The following COL26A1 variants were observed in gnomAD, a reference collection of about 807,000 sequenced individuals.
The protein encoded by COL26A1 is collagen type XXVI alpha 1 chain, also known as collagen alpha-1(XXVI) chain.
A neutral mutation model predicts 59.3 loss-of-function variants in COL26A1; 41 were observed. The ratio of observed to expected loss-of-function variants is 0.69; its 90% CI spans 0.54 to 0.90. The LOEUF (loss-of-function observed/expected upper bound fraction) is 0.90, where lower values mean the gene tolerates loss of function less well. Among genes scored for constraint, COL26A1 ranks in the 40% least tolerant of loss-of-function variants. COL26A1 has a pLI of 0.00. For synonymous variants in COL26A1, 266 were observed against 256.0 expected, an observed-to-expected ratio of 1.04 and a Z score of -0.37; for missense variants, 612 against 602.3, an observed-to-expected ratio of 1.02 and a Z score of -0.17.
chr7:101,391,858 C>T (rs1053680990), intron 1 of COL26A1, among the ~76,000 whole-genome samples: 3 of 51,830 alleles, frequency 5.8e-5, no homozygotes, highest in African/African-American at 1.5e-4. Flanking sequence ...CCAAGCCTTT[C>T]TTTTCTTTTC....
At chr7:101,552,916 A>G (rs1795890102) in intron 10 of COL26A1, among the ~76,000 whole-genome samples, 2 of 152,174 alleles carry the variant, frequency 1.3e-5, no homozygotes. Flanking sequence ...TCAAATAAAT[A>G]AATAAATAAA....
intron 2 of COL26A1, among the ~76,000 whole-genome samples, chr7:101,422,404 T>C (rs986156084): frequency 6.0e-5 from 9 of 150,738 alleles, no homozygotes; most frequent in African/African-American, 2.2e-4. Context: ...AGCTTTTTCC[T>C]TTTCAGCAGA....
At chr7:101,470,317 C>T (rs987573987) in intron 3 of COL26A1, among the ~76,000 whole-genome samples, 2 of 151,964 alleles carry the variant, frequency 1.3e-5, no homozygotes, top group African/African-American at 2.4e-5. Flanking sequence ...TGGTCTTGAA[C>T]TCCTGACCTC....
chr7:101,556,111 C>T (rs1016142492), intron 12 of COL26A1, among the ~76,000 whole-genome samples: 3 of 152,218 alleles, frequency 2.0e-5, no homozygotes, highest in Admixed American at 1.3e-4. Flanking sequence ...GAGCCCTGCC[C>T]AGCCATGTTG....
intron 3 of COL26A1, among the ~76,000 whole-genome samples, chr7:101,452,035 A>G (rs1294080352): frequency 6.6e-6 from 1 of 152,060 alleles, no homozygotes; most frequent in Non-Finnish European, 1.5e-5. Context: ...CCAGTTTTGT[A>G]TGAGTTAACA....
chr7:101,528,871 T>C (rs1795307237), intron 3 of COL26A1, among the ~76,000 whole-genome samples: 1 of 152,104 alleles, frequency 6.6e-6, no homozygotes, highest in Admixed American at 6.6e-5. Flanking sequence ...TTAAATATGT[T>C]ATTTTATTTT....
Position 101,474,249 on chromosome 7 carries a change from T to G in COL26A1, c.385+26462T>G, listed in dbSNP as rs574627065. ...TTGATCCTACACCAGAAACCGGGCT[T>G]GCTTTTCCTGGCACCATCCTCTCTG... On this transcript the variant is annotated intron_variant, in intron 3 of 12. Transcript: ENST00000313669. 2.0e-5 allele frequency among the ~76,000 whole-genome samples: 3 copies of G among 152,172 alleles called. No homozygotes were observed. The South Asian group carries it at 6.2e-4, about 32-fold the overall frequency.
At chr7:101,491,571 G>T (rs1030876095) in intron 3 of COL26A1, among the ~76,000 whole-genome samples, 3 of 152,142 alleles carry the variant, frequency 2.0e-5, no homozygotes, top group Admixed American at 2.0e-4. Context: ...CATTTTTATG[G>T]TTATTTCTTG....
chr7:101,470,645 C>T (rs1357204118), intron 3 of COL26A1, among the ~76,000 whole-genome samples: 2 of 152,044 alleles, frequency 1.3e-5, no homozygotes, highest in African/African-American at 4.8e-5. Context: ...TGTAGAGCTT[C>T]TCTATCTTTT....
At chr7:101,542,797 C>CT (rs1423516339) in intron 5 of COL26A1, among the ~76,000 whole-genome samples, 2 of 111,778 alleles carry the variant, frequency 1.8e-5, no homozygotes, top group African/African-American at 1.1e-4. Context: ...CACTCTGGCC[C>CT]CCGGCCTACC....
At chr7:101,539,255 C>T (rs1281235567) in intron 4 of COL26A1, among the ~76,000 whole-genome samples, 2 of 151,758 alleles carry the variant, frequency 1.3e-5, no homozygotes, top group Non-Finnish European at 2.9e-5. Flanking sequence ...CTCCTCCCTC[C>T]CTTTCTTCCC....
intron 2 of COL26A1, among the ~76,000 whole-genome samples, chr7:101,439,067 CT>C: frequency 6.6e-6 from 1 of 152,190 alleles, no homozygotes; most frequent in Non-Finnish European, 1.5e-5. Context: ...CCACCTTCAG[CT>C]CATTCCTGGA....
intron 3 of COL26A1, among the ~76,000 whole-genome samples, chr7:101,482,287 C>T (rs1352051029): frequency 2.6e-5 from 4 of 152,284 alleles, no homozygotes; most frequent in South Asian, 2.1e-4. Flanking sequence ...GGATTAAAGG[C>T]GTTAGCCACC....
chr7:101,419,809 C>T (rs1241726020), intron 1 of COL26A1, among the ~76,000 whole-genome samples, 168 bp from the exon 2 acceptor site: 1 of 152,178 alleles, frequency 6.6e-6, no homozygotes, highest in African/African-American at 2.4e-5. Flanking sequence ...CAAGTGTTCT[C>T]TCTTCCCCTC....
rs1214164902 is a variant in COL26A1, at chr7:101,387,764, A to C, written c.158+24574A>C. Among the ~76,000 whole-genome samples the C allele has an allele frequency of 3.0e-3, 112 of 37,842 alleles. 6 individuals carry two copies. The South Asian group carries it at 0.11, about 37-fold the overall frequency. 24.8% of individuals were successfully genotyped at this position (37,842 alleles called of 152,430 possible). ...TATATATATATATATTTATATATATATATATATATATATATTTTTTTTTAA... is the reference window on the plus strand; with the variant it reads ...TATATATATATATATTTATATATATCTATATATATATATATTTTTTTTTAA... On this transcript the variant is annotated intron_variant, in intron 1 of 12. Transcript: ENST00000313669.
In COL26A1 at chr7:101,433,152, G is replaced by A. The variant is rs527416827; in HGVS notation, c.281+13053G>A. On this transcript the variant is annotated intron_variant, in intron 2 of 12. Transcript: ENST00000313669. ...AGCCTGGGCAACATAGTGAAACCCC[G>A]TTTCCACTAAAAACAGAAAAAATTA... is the stretch of plus-strand genomic sequence containing the variant. Among the ~76,000 whole-genome samples the A allele has an allele frequency of 2.6e-5, 4 of 152,072 alleles. No homozygotes were observed. In the East Asian group the frequency reaches 5.8e-4, roughly 22 times the overall value.
chr7:101,463,676 T>G, intron 3 of COL26A1, among the ~76,000 whole-genome samples: 2 of 112,060 alleles, frequency 1.8e-5, no homozygotes, highest in African/African-American at 3.8e-5. Context: ...CCTTCCTCCC[T>G]CCCGTCCCCT....
At chr7:101,412,416 G>A (rs13241904) in intron 1 of COL26A1, among the ~76,000 whole-genome samples, 62,274 of 151,814 alleles carry the variant, frequency 0.41, 14,992 homozygotes, top group Admixed American at 0.54. Flanking sequence ...AGGCCCAGGC[G>A]GGCAGATCAT....
At chr7:101,507,450 C>T (rs1345406209) in intron 3 of COL26A1, among the ~76,000 whole-genome samples, 1 of 151,540 alleles carries the variant, frequency 6.6e-6, no homozygotes, top group African/African-American at 2.4e-5. Context: ...GAGACAGAAT[C>T]TTACCCTGTT....
Sources: allele counts gnomAD v4.1 joint callset (sites outside exome capture counted in the v4.1 genomes callset), GRCh38; gene constraint gnomAD v4.1.1; transcripts MANE v1.5; gene names NCBI Gene and HGNC (gene_info 2026-07-23, HGNC 2026-07-21).